Variants in STK39 observed in about 807,000 individuals in gnomAD.
The protein encoded by STK39 is serine/threonine kinase 39, also known as STE20/SPS1-related proline-alanine-rich protein kinase.
STK39 carries 20 observed loss-of-function variants against 77.8 expected under a neutral mutation model. The observed-to-expected ratio is 0.26, with a 90% CI of 0.18 to 0.37. The LOEUF (loss-of-function observed/expected upper bound fraction) is 0.37, where lower values mean the gene tolerates loss of function less well. Ranked by LOEUF, STK39 falls within the 10% of genes least tolerant of loss-of-function variation. The pLI is 1.00. For missense variants in STK39, 479 were observed against 656.5 expected (o/e 0.73, Z 2.95); for synonymous variants, 246 against 234.1 (o/e 1.05, Z -0.47).
At chr2:167,972,429 G>A (rs1692373949) in intron 16 of STK39, among the ~76,000 whole-genome samples, 1 of 152,154 alleles carries the variant, frequency 6.6e-6, no homozygotes, top group Non-Finnish European at 1.5e-5. Flanking sequence ...CCAGCAAACT[G>A]GTCAGTTAGG....
At chr2:168,031,077 C>T (rs566952853) in intron 14 of STK39, among the ~76,000 whole-genome samples, 111 of 152,234 alleles carry the variant, frequency 7.3e-4, no homozygotes, top group African/African-American at 2.6e-3. Flanking sequence ...CATGGTTCTC[C>T]AATGACTAAC....
At chr2:168,236,761 A>G (rs1574583009) in intron 1 of STK39, among the ~76,000 whole-genome samples, 1 of 152,060 alleles carries the variant, frequency 6.6e-6, no homozygotes, top group African/African-American at 2.4e-5. Context: ...ATGGTTGTAG[A>G]TATGCGGCAT....
At chr2:167,995,976 A>C (rs1382749114) in intron 16 of STK39, among the ~76,000 whole-genome samples, 1 of 152,184 alleles carries the variant, frequency 6.6e-6, no homozygotes, top group Non-Finnish European at 1.5e-5. Context: ...CTGTCACCGT[A>C]TTGAAATTCT....
At chr2:168,161,928 A>C in intron 4 of STK39, 86 bp from the exon 5 acceptor site, 5 of 906,580 alleles carry the variant, frequency 5.5e-6, no homozygotes, top group Non-Finnish European at 8.6e-6. Context: ...AAAACATATC[A>C]TACAACGCAG....
chr2:168,126,061 G>A lies in STK39; in HGVS notation c.1089+3480C>T, dbSNP rs556824818. On this transcript the variant is annotated intron_variant, in intron 10 of 17. Coordinates refer to ENST00000355999, the MANE Select transcript of STK39 (RefSeq NM_013233.3). ...TAATGTTGGTTAGCAGAAGAGAGGA[G>A]AAGAGAATGCTGTTTATGACAGCAA... Among the ~76,000 whole-genome samples the A allele has an allele frequency of 3.3e-5, 5 of 152,304 alleles. 1 individual carries two copies. Among genetic ancestry groups the A allele is most frequent in the African/African-American group, 9.6e-5 (4 of 41,568 alleles).
chr2:168,193,422 G>A (rs1689389505), intron 1 of STK39, among the ~76,000 whole-genome samples: 1 of 152,254 alleles, frequency 6.6e-6, no homozygotes, highest in African/African-American at 2.4e-5. Context: ...AATGTCCAGT[G>A]CAGTGAAAAG....
rs1320056303 is a variant in STK39, at chr2:167,954,237, G to T, written c.*1259C>A. ...ACATTAAAGAGCTGCCATATCTAGGGTTAGCTAGGAAAGAGCAATGGTACC... is the reference window on the plus strand; with the variant it reads ...ACATTAAAGAGCTGCCATATCTAGGTTTAGCTAGGAAAGAGCAATGGTACC... On this transcript the variant is annotated 3_prime_UTR_variant, in exon 18 of 18. Transcript: ENST00000355999. 2 of 152,428 alleles carry T rather than the reference G, an allele frequency of 1.3e-5. No individual in the cohort carries two copies. Among genetic ancestry groups the T allele is most frequent in the Non-Finnish European group, 2.9e-5 (2 of 67,998 alleles). The allele number at this position is 152,428 out of a possible 1,614,324, so 9.4% of individuals were successfully genotyped here.
intron 16 of STK39, among the ~76,000 whole-genome samples, chr2:167,984,308 T>G (rs927920955): frequency 2.0e-5 from 3 of 152,128 alleles, no homozygotes; most frequent in Non-Finnish European, 4.4e-5. Context: ...AGGTGCAACA[T>G]CAGCACAGAG....
At chr2:168,129,899 G>C in intron 8 of STK39, 141 bp from the exon 9 acceptor site, 1 of 862,900 alleles carries the variant, frequency 1.2e-6, no homozygotes, top group East Asian at 2.6e-5. Context: ...TTAATCATAG[G>C]CTGGCACCAA....
At chr2:168,056,965 A>G (rs2105374886) in intron 14 of STK39, among the ~76,000 whole-genome samples, 1 of 152,266 alleles carries the variant, frequency 6.6e-6, no homozygotes, top group East Asian at 1.9e-4. Context: ...AATACTGGAT[A>G]GTGGGTTTTT....
At chr2:168,157,347 T>G (rs1688457905) in intron 5 of STK39, among the ~76,000 whole-genome samples, 1 of 152,178 alleles carries the variant, frequency 6.6e-6, no homozygotes, top group African/African-American at 2.4e-5. Flanking sequence ...CCAGGCTGCT[T>G]TCGCTCAGTA....
At position 168,074,974 on chromosome 2, in the gene STK39, C is replaced by G; in HGVS notation, c.1242+8G>C. ...TGGCAAAATAATAAATAAATAGCCA[C>G]AGCTCACCTCTGGATTTTCTTCTTT... On this transcript the variant is annotated splice_region_variant and intron_variant, in intron 12 of 17. Transcript: ENST00000355999. 6.2e-7 allele frequency: 1 copy of G among 1,613,072 alleles called. No homozygotes were observed. Among genetic ancestry groups the G allele is most frequent in the Non-Finnish European group, 8.5e-7 (1 of 1,179,946 alleles).
intron 5 of STK39, among the ~76,000 whole-genome samples, chr2:168,156,129 G>A (rs1688423009): frequency 6.6e-6 from 1 of 152,198 alleles, no homozygotes; most frequent in Non-Finnish European, 1.5e-5. Context: ...CCAGGGTGAG[G>A]GGCTTAACCT....
At chr2:168,122,019 A>C (rs1170678874) in intron 10 of STK39, among the ~76,000 whole-genome samples, 1 of 152,046 alleles carries the variant, frequency 6.6e-6, no homozygotes, top group Non-Finnish European at 1.5e-5. Flanking sequence ...AGTGGTTTGT[A>C]TTGTTTTGGT....
intron 14 of STK39, among the ~76,000 whole-genome samples, chr2:168,054,928 C>T (rs958894116): frequency 7.9e-5 from 12 of 152,226 alleles, no homozygotes; most frequent in Non-Finnish European, 1.6e-4. Flanking sequence ...CTGCATTTAT[C>T]ACCTTCTACC....
intron 1 of STK39, among the ~76,000 whole-genome samples, chr2:168,236,542 A>T (rs1185385843): frequency 2.0e-5 from 3 of 152,150 alleles, no homozygotes; most frequent in African/African-American, 4.8e-5. Flanking sequence ...TATGTCCTGA[A>T]TGGTATTGCC....
intron 12 of STK39, among the ~76,000 whole-genome samples, chr2:168,071,853 G>C (rs559250306): frequency 9.0e-5 from 13 of 144,628 alleles, no homozygotes; most frequent in Non-Finnish European, 1.9e-4. Flanking sequence ...CTGGGCAACA[G>C]AGTGAGACTC....
intron 1 of STK39, among the ~76,000 whole-genome samples, chr2:168,231,168 A>G (rs1014550922): frequency 3.3e-5 from 5 of 152,256 alleles, no homozygotes; most frequent in African/African-American, 1.2e-4. Context: ...CTGTCATGCT[A>G]AAGAGTCATT....
In STK39 at chr2:168,005,623, C is replaced by T. The variant is rs79785199; in HGVS notation, c.1498+7011G>A. 9.0e-3 allele frequency among the ~76,000 whole-genome samples: 1,377 copies of T among 152,172 alleles called. 19 individuals carry two copies. Among genetic ancestry groups the T allele is most frequent in the African/African-American group, 0.031 (1,301 of 41,520 alleles). ...GGGATGCAATAAAATAGAAGACAAG[C>T]GTTGCCCTAAAGATGCCTTCAGCCT... On this transcript the variant is annotated intron_variant, in intron 16 of 17. Transcript: ENST00000355999.
Sources: allele counts gnomAD v4.1 joint callset (sites outside exome capture counted in the v4.1 genomes callset), GRCh38; gene constraint gnomAD v4.1.1; transcripts MANE v1.5; gene names NCBI Gene and HGNC (gene_info 2026-07-23, HGNC 2026-07-21).